SGCZ: variants seen among roughly 807,000 people sequenced by gnomAD.
The protein encoded by SGCZ is sarcoglycan zeta.
In SGCZ, 40 loss-of-function variants were observed where a neutral mutation model predicts 41.3. The observed-to-expected ratio is 0.97, with a 90% CI of 0.75 to 1.26. The LOEUF (loss-of-function observed/expected upper bound fraction) is 1.26. Ranked by LOEUF, SGCZ falls within the 50% of genes most tolerant of loss-of-function variation. The probability of loss-of-function intolerance (pLI) is 0.00; values close to 1 mark genes in which losing one functional copy is unlikely to be tolerated. For synonymous variants in SGCZ, 206 were observed against 137.5 expected, an observed-to-expected ratio of 1.50 and a Z score of -3.49; for missense variants, 552 against 369.8, an observed-to-expected ratio of 1.49 and a Z score of -4.04.
chr8:14,702,682 C>A (rs1809176176), intron 1 of SGCZ, among the ~76,000 whole-genome samples: 1 of 151,320 alleles, frequency 6.6e-6, no homozygotes, highest in Admixed American at 6.6e-5. Context: ...TCACTGATGA[C>A]TTTCTCTCAA....
chr8:14,673,706 A>C (rs1445571373), intron 1 of SGCZ, among the ~76,000 whole-genome samples: 1 of 152,212 alleles, frequency 6.6e-6, no homozygotes, highest in East Asian at 1.9e-4. Flanking sequence ...TATGACTTGA[A>C]TAAATGAACG....
chr8:14,269,034 A>C (rs1799970419), intron 3 of SGCZ, among the ~76,000 whole-genome samples: 1 of 152,044 alleles, frequency 6.6e-6, no homozygotes, highest in African/African-American at 2.4e-5. Context: ...ATAAAACAAT[A>C]ATAATCACAA....
intron 2 of SGCZ, among the ~76,000 whole-genome samples, chr8:14,527,081 G>T (rs184555772): frequency 6.6e-6 from 1 of 152,032 alleles, no homozygotes; most frequent in African/African-American, 2.4e-5. Context: ...ACTAGCATGT[G>T]TATGAATTTC....
chr8:14,358,229 A>C (rs932268774), intron 2 of SGCZ, among the ~76,000 whole-genome samples: 1 of 152,176 alleles, frequency 6.6e-6, no homozygotes, highest in Non-Finnish European at 1.5e-5. Context: ...ATAAACTATA[A>C]ATATATTATC....
At chr8:14,100,248 G>A (rs1278749015) in intron 7 of SGCZ, among the ~76,000 whole-genome samples, 1 of 151,532 alleles carries the variant, frequency 6.6e-6, no homozygotes, top group Non-Finnish European at 1.5e-5. Context: ...ATTTGACAAT[G>A]AAGTTATAAT....
chr8:15,064,393 T>C (rs532294216), intron 1 of SGCZ, among the ~76,000 whole-genome samples: 22 of 152,220 alleles, frequency 1.4e-4, no homozygotes, highest in Non-Finnish European at 2.8e-4. Context: ...GCACATATAT[T>C]ATACACAACT....
chr8:14,583,280 T>C (rs74772997), intron 1 of SGCZ, among the ~76,000 whole-genome samples: 2 of 151,938 alleles, frequency 1.3e-5, no homozygotes, highest in Non-Finnish European at 2.9e-5. Context: ...CATTTTTTCA[T>C]GTGTTTTTTG....
intron 1 of SGCZ, among the ~76,000 whole-genome samples, chr8:15,140,896 G>C (rs1373179314): frequency 2.6e-5 from 4 of 152,180 alleles, no homozygotes; most frequent in Non-Finnish European, 5.9e-5. Context: ...AGTTTTTGCA[G>C]TGACAAGTTG....
At chr8:14,883,181 C>T (rs1804659409) in intron 1 of SGCZ, among the ~76,000 whole-genome samples, 1 of 148,162 alleles carries the variant, frequency 6.7e-6, no homozygotes, top group Non-Finnish European at 1.5e-5. Flanking sequence ...TGAAACAGAA[C>T]AGAACAGAAA....
At chr8:14,951,554 A>G (rs749467095) in intron 1 of SGCZ, among the ~76,000 whole-genome samples, 2 of 152,068 alleles carry the variant, frequency 1.3e-5, no homozygotes, top group Non-Finnish European at 2.9e-5. Context: ...TTATCTGATA[A>G]AAGTGAGTTT....
At chr8:14,935,951 A>C (rs979392157) in intron 1 of SGCZ, among the ~76,000 whole-genome samples, 1 of 152,050 alleles carries the variant, frequency 6.6e-6, no homozygotes. Context: ...ACAGAAAATA[A>C]TTTAAAACAA....
intron 1 of SGCZ, among the ~76,000 whole-genome samples, chr8:14,932,963 A>G (rs1459476450): frequency 6.6e-6 from 1 of 151,950 alleles, no homozygotes; most frequent in East Asian, 1.9e-4. Context: ...AAAACCAAAT[A>G]CCACATGTTC....
At chr8:15,233,409 T>C (rs1802021544) in intron 1 of SGCZ, among the ~76,000 whole-genome samples, 1 of 151,926 alleles carries the variant, frequency 6.6e-6, no homozygotes, top group African/African-American at 2.4e-5. Context: ...AAATTGTAGA[T>C]GAATGTACTA....
At chr8:14,829,101 T>C (rs988254969) in intron 1 of SGCZ, among the ~76,000 whole-genome samples, 5 of 139,458 alleles carry the variant, frequency 3.6e-5, no homozygotes, top group African/African-American at 1.5e-4. Flanking sequence ...AAAGGTAAAC[T>C]TGTGTCATGG....
At chr8:14,760,640 C>T (rs1196634806) in intron 1 of SGCZ, among the ~76,000 whole-genome samples, 2 of 152,172 alleles carry the variant, frequency 1.3e-5, no homozygotes, top group Non-Finnish European at 2.9e-5. Context: ...TTTACCTCTG[C>T]AGCTAATTCA....
chr8:14,421,944 A>G (rs191250927), intron 2 of SGCZ, among the ~76,000 whole-genome samples: 2 of 152,284 alleles, frequency 1.3e-5, no homozygotes, highest in East Asian at 3.9e-4. Context: ...TTGGCTTTTA[A>G]CAAAGAAAAT....
At chr8:15,111,941 T>C (rs1414823163) in intron 1 of SGCZ, among the ~76,000 whole-genome samples, 10 of 152,166 alleles carry the variant, frequency 6.6e-5, no homozygotes, top group Non-Finnish European at 1.5e-5. Flanking sequence ...TTTCATTTCT[T>C]TATTTCATTC....
At chr8:14,759,580 C>T (rs985381199) in intron 1 of SGCZ, among the ~76,000 whole-genome samples, 4 of 152,064 alleles carry the variant, frequency 2.6e-5, no homozygotes, top group African/African-American at 7.2e-5. Context: ...TGGTTAGATA[C>T]GCTATTAAGA....
At chr8:14,564,877 A>T (rs971911597) in intron 1 of SGCZ, among the ~76,000 whole-genome samples, 8 of 152,158 alleles carry the variant, frequency 5.3e-5, no homozygotes, top group South Asian at 2.1e-4. Context: ...CCTATCTATG[A>T]TACTTAATGC....
Sources: allele counts gnomAD v4.1 joint callset (sites outside exome capture counted in the v4.1 genomes callset), GRCh38; gene constraint gnomAD v4.1.1; transcripts MANE v1.5; gene names NCBI Gene and HGNC (gene_info 2026-07-23, HGNC 2026-07-21).